Variants in CDH18 observed in about 807,000 individuals in gnomAD.
The protein encoded by CDH18 is cadherin 18.
In CDH18, 31 loss-of-function variants were observed where a neutral mutation model predicts 67.9. The observed-to-expected ratio is 0.46, with a 90% confidence interval of 0.34 to 0.62. The LOEUF is 0.62. Among genes scored for constraint, CDH18 ranks in the 20% least tolerant of loss-of-function variants. CDH18 has a pLI of 0.01. For synonymous variants in CDH18, 362 were observed against 347.2 expected, an observed-to-expected ratio of 1.04 and a Z score of -0.48; for missense variants, 890 against 975.5, an observed-to-expected ratio of 0.91 and a Z score of 1.17.
Position 20,470,316 on chromosome 5 carries a change from T to A in CDH18, c.-580+105146A>T, listed in dbSNP as rs1048045751. Among the ~76,000 whole-genome samples, 3 of 152,286 alleles carry A rather than the reference T, an allele frequency of 2.0e-5. 1 individual carries two copies. The highest frequency in any genetic ancestry group is 4.4e-5 in the Non-Finnish European group (3 of 68,024). On this transcript the variant is annotated intron_variant, in intron 1 of 14. Coordinates refer to the CDH18 transcript ENST00000507958. ...ACTTGACAAAGCCATAACTCTAAAT[T>A]GGACTTTTTACTAATCAAGTCTTGA...
chr5:20,234,852 G>A (rs1029866716), intron 2 of CDH18, among the ~76,000 whole-genome samples: 2 of 152,086 alleles, frequency 1.3e-5, no homozygotes, highest in Non-Finnish European at 2.9e-5. Flanking sequence ...TTCCAAATTT[G>A]ATGAAAATTA....
chr5:19,711,416 C>A (rs575288876), intron 5 of CDH18, among the ~76,000 whole-genome samples: 1 of 151,736 alleles, frequency 6.6e-6, no homozygotes, highest in South Asian at 2.1e-4. Flanking sequence ...ACAACAACAA[C>A]AACAACAAAC....
At chr5:20,391,915 A>G (rs1291240527) in intron 1 of CDH18, among the ~76,000 whole-genome samples, 1 of 137,282 alleles carries the variant, frequency 7.3e-6, no homozygotes, top group Non-Finnish European at 1.6e-5. Flanking sequence ...TAATTTTCAC[A>G]GTTACAAAAT....
intron 2 of CDH18, among the ~76,000 whole-genome samples, chr5:19,844,295 A>T (rs951174752): frequency 3.3e-5 from 5 of 152,164 alleles, no homozygotes; most frequent in African/African-American, 1.2e-4. Context: ...GGGACCTCAT[A>T]GAAGGTGACT....
chr5:19,859,896 T>A (rs970624976), intron 2 of CDH18, among the ~76,000 whole-genome samples: 10 of 152,044 alleles, frequency 6.6e-5, no homozygotes, highest in African/African-American at 2.4e-4. Context: ...CCTCTTCAAA[T>A]ACTTTACAGT....
At chr5:19,509,535 C>T (rs927212933) in intron 10 of CDH18, among the ~76,000 whole-genome samples, 1 of 152,144 alleles carries the variant, frequency 6.6e-6, no homozygotes, top group Admixed American at 6.6e-5. Context: ...TATTTGATAA[C>T]ATCAACTTTT....
At chr5:20,477,379 G>A (rs1752511789) in intron 1 of CDH18, among the ~76,000 whole-genome samples, 1 of 152,132 alleles carries the variant, frequency 6.6e-6, no homozygotes, top group Non-Finnish European at 1.5e-5. Flanking sequence ...CCAAGGAAGG[G>A]GGAACTGAAA....
At chr5:20,047,546 C>A (rs1056730429) in intron 2 of CDH18, among the ~76,000 whole-genome samples, 2 of 151,664 alleles carry the variant, frequency 1.3e-5, no homozygotes, top group Admixed American at 6.6e-5. Context: ...CTTATTAACC[C>A]AAATGCATAA....
chr5:19,505,153 T>C (rs1743905368), intron 10 of CDH18, among the ~76,000 whole-genome samples: 1 of 152,142 alleles, frequency 6.6e-6, no homozygotes, highest in Non-Finnish European at 1.5e-5. Flanking sequence ...CTTGTGATTT[T>C]TGCACATTGA....
chr5:19,897,237 A>G (rs1789445348), intron 2 of CDH18, among the ~76,000 whole-genome samples: 1 of 152,164 alleles, frequency 6.6e-6, no homozygotes, highest in Non-Finnish European at 1.5e-5. Flanking sequence ...TTAAAAAGCC[A>G]CAGTGAAAAA....
At chr5:19,539,661 G>GGAAAA (rs932111552) in intron 9 of CDH18, among the ~76,000 whole-genome samples, 3 of 152,044 alleles carry the variant, frequency 2.0e-5, no homozygotes, top group Non-Finnish European at 4.4e-5. Context: ...AGAAGGCAAA[G>GGAAAA]GAGAAGCAAA....
At chr5:19,924,750 A>G (rs183568500) in intron 2 of CDH18, among the ~76,000 whole-genome samples, 103 of 152,344 alleles carry the variant, frequency 6.8e-4, no homozygotes, top group African/African-American at 2.4e-3. Flanking sequence ...GGTCATGTGA[A>G]TGGTGGCACC....
At chr5:20,519,026 C>T (rs1438910678) in intron 1 of CDH18, among the ~76,000 whole-genome samples, 4 of 151,950 alleles carry the variant, frequency 2.6e-5, no homozygotes, top group Non-Finnish European at 4.4e-5. Flanking sequence ...ACAGAAAAAG[C>T]CAAAAATGCT....
chr5:20,102,113 T>C (rs569745482), intron 2 of CDH18, among the ~76,000 whole-genome samples: 186 of 152,124 alleles, frequency 1.2e-3, no homozygotes, highest in African/African-American at 3.9e-3. Context: ...GCTAAATCTC[T>C]CTTCATTTTG....
At chr5:19,532,953 A>G (rs1048538221) in intron 9 of CDH18, among the ~76,000 whole-genome samples, 2 of 152,200 alleles carry the variant, frequency 1.3e-5, no homozygotes, top group African/African-American at 2.4e-5. Flanking sequence ...ACAGAGATTT[A>G]CCTGCAGCAT....
chr5:19,721,267 A>G (rs1474861722), intron 5 of CDH18, 80 bp downstream of exon 5: 5 of 1,309,210 alleles, frequency 3.8e-6, no homozygotes, highest in Non-Finnish European at 4.2e-6. Flanking sequence ...AATGGAAAAG[A>G]GCATATGGAA....
At chr5:20,294,785 T>G (rs1747361179) in intron 1 of CDH18, among the ~76,000 whole-genome samples, 1 of 152,206 alleles carries the variant, frequency 6.6e-6, no homozygotes, top group East Asian at 1.9e-4. Context: ...TGAAGTGTTT[T>G]TGCTTGTGTG....
At chr5:19,836,792 A>T (rs1781696106) in intron 3 of CDH18, among the ~76,000 whole-genome samples, 1 of 152,066 alleles carries the variant, frequency 6.6e-6, no homozygotes, top group African/African-American at 2.4e-5. Flanking sequence ...CAGGGTTTTT[A>T]TGGTTATAGG....
chr5:20,542,817 C>T (rs904454394), intron 1 of CDH18, among the ~76,000 whole-genome samples: 4 of 151,836 alleles, frequency 2.6e-5, no homozygotes, highest in Admixed American at 2.0e-4. Flanking sequence ...TTTATTTATA[C>T]ATTATTGTAC....
Sources: allele counts gnomAD v4.1 joint callset (sites outside exome capture counted in the v4.1 genomes callset), GRCh38; gene constraint gnomAD v4.1.1; transcripts MANE v1.5; gene names NCBI Gene and HGNC (gene_info 2026-07-23, HGNC 2026-07-21).